CDC73: variants seen among roughly 807,000 people sequenced by gnomAD.
CDC73 encodes the protein cell division cycle 73, also known as parafibromin.
In CDC73, 21 loss-of-function variants were observed where a neutral mutation model predicts 83.7. The observed-to-expected ratio is 0.25, with a 90% CI of 0.18 to 0.36. CDC73 has a LOEUF of 0.36. CDC73 is among the 10% of genes least tolerant of loss of function. The probability of loss-of-function intolerance (pLI) is 1.00; values close to 1 mark genes in which losing one functional copy is unlikely to be tolerated. For missense variants in CDC73, 342 were observed against 653.3 expected, an observed-to-expected ratio of 0.52 and a Z score of 5.19; for synonymous variants, 224 against 212.9, an observed-to-expected ratio of 1.05 and a Z score of -0.45.
At position 193,147,979 on chromosome 1, in the gene CDC73, A is replaced by C. The variant is rs746954367; in HGVS notation, c.828+14A>C. 7 of 1,546,634 alleles carry C rather than the reference A, an allele frequency of 4.5e-6. No individual in the cohort carries two copies. Among genetic ancestry groups the C allele is most frequent in the Non-Finnish European group, 6.3e-6 (7 of 1,118,604 alleles). ...GCAGCACCTGTGGTAAGAATGCTTTACTGCTTTACAGTAGATTTAATGAAG... is the reference window on the plus strand; with the variant it reads ...GCAGCACCTGTGGTAAGAATGCTTTCCTGCTTTACAGTAGATTTAATGAAG... On this transcript the variant is annotated intron_variant, in intron 8 of 16. Coordinates refer to ENST00000367435, the MANE Select transcript of CDC73 (RefSeq NM_024529.5).
intron 15 of CDC73, among the ~76,000 whole-genome samples, chr1:193,238,958 G>T (rs1038618496): frequency 6.6e-6 from 1 of 152,094 alleles, no homozygotes; most frequent in African/African-American, 2.4e-5. Flanking sequence ...AACTTGTATT[G>T]TTCAAGGATC....
At chr1:193,221,319 G>A (rs1677465724) in intron 13 of CDC73, among the ~76,000 whole-genome samples, 1 of 152,084 alleles carries the variant, frequency 6.6e-6, no homozygotes, top group East Asian at 1.9e-4. Context: ...ATACATAGTA[G>A]TCATATCCAC....
chr1:193,245,096 T>A (rs1371775995), intron 15 of CDC73, among the ~76,000 whole-genome samples: 1 of 152,224 alleles, frequency 6.6e-6, no homozygotes, highest in Non-Finnish European at 1.5e-5. Flanking sequence ...TATCAGGTTA[T>A]CATAATTAGC....
rs1172620629 is a variant in CDC73, at chr1:193,161,772, ATAT to A, written c.972+9332_972+9334del. Reference sequence around the variant, plus strand: ...TATTATATTGTATATAATATATATCATATTATATTGTATATAATATATATCATA... The same window carrying A: ...TATTATATTGTATATAATATATATCATATATTGTATATAATATATATCATA... On this transcript the variant is annotated intron_variant, in intron 10 of 16. Transcript: ENST00000367435. Among the ~76,000 whole-genome samples the A allele has an allele frequency of 3.3e-4, 4 of 11,960 alleles. 1 individual carries two copies. The highest frequency in any genetic ancestry group is 5.2e-4 in the Non-Finnish European group (3 of 5,724). 7.8% of individuals were successfully genotyped at this position (11,960 alleles called of 152,430 possible).
At chr1:193,185,171 T>G (rs761068141) in intron 10 of CDC73, among the ~76,000 whole-genome samples, 1 of 152,130 alleles carries the variant, frequency 6.6e-6, no homozygotes, top group African/African-American at 2.4e-5. Flanking sequence ...TGTATCAAAG[T>G]ATTTCCATAT....
intron 13 of CDC73, among the ~76,000 whole-genome samples, chr1:193,229,808 A>G (rs1393144011): frequency 2.6e-5 from 4 of 152,242 alleles, no homozygotes; most frequent in Non-Finnish European, 1.5e-5. Flanking sequence ...CAGGTACAAA[A>G]TAATACATCT....
chr1:193,123,768 A>G (rs547378481), intron 1 of CDC73, among the ~76,000 whole-genome samples: 1 of 152,142 alleles, frequency 6.6e-6, no homozygotes, highest in Non-Finnish European at 1.5e-5. Context: ...TTCTACCTCA[A>G]AGGAGGTTAA....
chr1:193,247,935 A>C (rs1350962645), intron 15 of CDC73, among the ~76,000 whole-genome samples: 1 of 152,132 alleles, frequency 6.6e-6, no homozygotes, highest in Non-Finnish European at 1.5e-5. Context: ...GTGCTGATAA[A>C]GAAGCTGCAG....
At chr1:193,181,382 T>C in intron 10 of CDC73, 1 of 1,614,058 alleles carries the variant, frequency 6.2e-7, no homozygotes, top group Non-Finnish European at 8.5e-7. Context: ...AAAGTGTATG[T>C]CACAGGGTTT....
intron 10 of CDC73, among the ~76,000 whole-genome samples, chr1:193,191,433 G>A (rs1208991907): frequency 6.6e-6 from 1 of 152,080 alleles, no homozygotes; most frequent in Non-Finnish European, 1.5e-5. Flanking sequence ...TGTTGCCCAG[G>A]CTGGAGTGCA....
intron 16 of CDC73, 149 bp from the exon 17 acceptor site, chr1:193,250,525 CCA>C (rs1334781200): frequency 3.3e-6 from 2 of 615,328 alleles, no homozygotes; most frequent in African/African-American, 3.7e-5. Flanking sequence ...CTAGCTTATT[CCA>C]GAGTCTTTAT....
intron 13 of CDC73, among the ~76,000 whole-genome samples, chr1:193,214,997 C>G (rs1677340249): frequency 2.0e-5 from 3 of 152,178 alleles, no homozygotes; most frequent in Admixed American, 2.0e-4. Context: ...TCTAGGAGCT[C>G]ACATGAGAGT....
At chr1:193,198,627 A>G (rs1044437875) in intron 10 of CDC73, among the ~76,000 whole-genome samples, 1 of 152,264 alleles carries the variant, frequency 6.6e-6, no homozygotes, top group East Asian at 1.9e-4. Flanking sequence ...GTCCTAAGAC[A>G]TGATAAAGGT....
At chr1:193,180,503 C>T (rs142522478) in intron 10 of CDC73, 15 of 1,613,856 alleles carry the variant, frequency 9.3e-6, no homozygotes, top group Non-Finnish European at 1.2e-5. Flanking sequence ...GGTACAGGAT[C>T]AATTCTCAAC....
At chr1:193,135,765 C>T (rs1447172491) in intron 5 of CDC73, among the ~76,000 whole-genome samples, 176 bp downstream of exon 5, 1 of 152,016 alleles carries the variant, frequency 6.6e-6, no homozygotes, top group Non-Finnish European at 1.5e-5. Flanking sequence ...AGCTCTCTCA[C>T]ATGCAAGCTA....
chr1:193,204,540 C>T (rs1031732849), intron 11 of CDC73, among the ~76,000 whole-genome samples: 8 of 152,110 alleles, frequency 5.3e-5, no homozygotes, highest in South Asian at 2.1e-4. Context: ...CCGCCCGCCT[C>T]GGCCTCCCAA....
chr1:193,193,075 C>G (rs951240642), intron 10 of CDC73, among the ~76,000 whole-genome samples: 6 of 152,154 alleles, frequency 3.9e-5, no homozygotes, highest in African/African-American at 1.2e-4. Context: ...CCACCCTGAC[C>G]AAGCCCCTAC....
intron 3 of CDC73, among the ~76,000 whole-genome samples, chr1:193,133,797 ACACT>A (rs1675737586): frequency 6.6e-6 from 1 of 152,238 alleles, no homozygotes; most frequent in African/African-American, 2.4e-5. Flanking sequence ...AAAAGACCAA[ACACT>A]CTATGGATTA....
chr1:193,210,959 G>A (rs1052751790), intron 11 of CDC73, among the ~76,000 whole-genome samples: 3 of 152,146 alleles, frequency 2.0e-5, no homozygotes, highest in African/African-American at 7.2e-5. Context: ...ATGGTTAAGC[G>A]TATTCGCACT....
Sources: allele counts gnomAD v4.1 joint callset (sites outside exome capture counted in the v4.1 genomes callset), GRCh38; gene constraint gnomAD v4.1.1; transcripts MANE v1.5; gene names NCBI Gene and HGNC (gene_info 2026-07-23, HGNC 2026-07-21).